Variants in BNC2 observed in about 807,000 individuals in gnomAD.
The protein encoded by BNC2 is basonuclin zinc finger protein 2.
A neutral mutation model predicts 76.3 loss-of-function variants in BNC2; 20 were observed. That is an observed-to-expected ratio of 0.26 (90% CI 0.18 to 0.38). The LOEUF (loss-of-function observed/expected upper bound fraction) is 0.38, where lower values mean the gene tolerates loss of function less well. Among genes scored for constraint, BNC2 ranks in the 10% least tolerant of loss-of-function variants. BNC2 has a pLI of 1.00. For missense variants in BNC2, 1,382 were observed against 1,399.8 expected, an observed-to-expected ratio of 0.99 and a Z score of 0.20; for synonymous variants, 582 against 514.8, an observed-to-expected ratio of 1.13 and a Z score of -1.77.
intron 1 of BNC2, among the ~76,000 whole-genome samples, chr9:16,759,370 A>C (rs1006696982): frequency 1.3e-5 from 2 of 152,208 alleles, no homozygotes; most frequent in African/African-American, 4.8e-5. Flanking sequence ...ACTTTAATGG[A>C]AAGTATGGTA....
intron 4 of BNC2, among the ~76,000 whole-genome samples, chr9:16,577,850 T>C (rs62540657): frequency 3.4e-3 from 512 of 152,246 alleles, no homozygotes; most frequent in Non-Finnish European, 5.6e-3. Context: ...ATGAAGATTC[T>C]AGTATTCATG....
At chr9:16,654,403 C>T (rs1023993207) in intron 3 of BNC2, among the ~76,000 whole-genome samples, 2 of 152,156 alleles carry the variant, frequency 1.3e-5, no homozygotes, top group African/African-American at 4.8e-5. Context: ...GAAAGAGAGG[C>T]ACTTTTAATA....
At chr9:16,462,147 G>A (rs1283584883) in intron 5 of BNC2, among the ~76,000 whole-genome samples, 1 of 152,096 alleles carries the variant, frequency 6.6e-6, no homozygotes, top group Non-Finnish European at 1.5e-5. Context: ...TCCTCCTGCT[G>A]TCTCTGAGCT....
rs1473388088 is a variant in BNC2, at chr9:16,414,881, G to A, written c.*4108C>T. 1 of 151,440 alleles carries A rather than the reference G, an allele frequency of 6.6e-6. No homozygotes were observed. Among genetic ancestry groups the A allele is most frequent in the Admixed American group, 6.6e-5 (1 of 15,210 alleles). 9.4% of individuals were successfully genotyped at this position (151,440 alleles called of 1,614,324 possible). A position where few individuals can be genotyped will look rare whatever the true frequency, so the allele number is the denominator to read the frequency against. On this transcript the variant is annotated 3_prime_UTR_variant, in exon 7 of 7. Coordinates refer to ENST00000380672, the MANE Select transcript of BNC2 (RefSeq NM_017637.6). ...CCTAGTGCATAGTTTCTCCTGAGGA[G>A]AAGCCTCTGGAATAGCCCATTCTTG...
chr9:16,728,073 G>T, intron 2 of BNC2, 76 bp from the exon 3 acceptor site: 2 of 978,288 alleles, frequency 2.0e-6, no homozygotes, highest in Non-Finnish European at 3.0e-6. Flanking sequence ...GAAGCTGGCT[G>T]AACTGTGCAT....
chr9:16,492,116 G>C (rs1165528755), intron 5 of BNC2, among the ~76,000 whole-genome samples: 3 of 151,872 alleles, frequency 2.0e-5, no homozygotes, highest in African/African-American at 7.3e-5. Context: ...GCTTTAGGGA[G>C]TCCTGACAAT....
rs755406142 is a variant in BNC2, at chr9:16,744,261, G to A, written c.4-5776C>T. Among the ~76,000 whole-genome samples the A allele has an allele frequency of 5.3e-5, 8 of 152,194 alleles. No individual in the cohort carries two copies. In the East Asian group the frequency reaches 1.4e-3, roughly 26 times the overall value. On this transcript the variant is annotated intron_variant, in intron 1 of 6. Coordinates refer to ENST00000380672, the MANE Select transcript of BNC2 (RefSeq NM_017637.6). ...TGGGATTACAGGCGTAAGCCACCAC[G>A]CCTGGCCTAGACTGCAGTTTTTAAG...
At chr9:16,741,620 C>G (rs1403358466) in intron 1 of BNC2, among the ~76,000 whole-genome samples, 1 of 152,112 alleles carries the variant, frequency 6.6e-6, no homozygotes, top group East Asian at 1.9e-4. Flanking sequence ...ATACTTAGAA[C>G]CAGCAAGGAG....
intron 5 of BNC2, 100 bp downstream of exon 5, chr9:16,552,430 G>C (rs747901113): frequency 2.1e-6 from 2 of 954,556 alleles, no homozygotes; most frequent in Non-Finnish European, 3.3e-6. Context: ...TTAACCAGAG[G>C]AGGGTGTGCA....
intron 3 of BNC2, among the ~76,000 whole-genome samples, chr9:16,670,427 A>C (rs1332302070): frequency 1.3e-5 from 2 of 152,008 alleles, no homozygotes; most frequent in South Asian, 2.1e-4. Flanking sequence ...TCATCTTCCC[A>C]CCTCTGCCTC....
intron 4 of BNC2, among the ~76,000 whole-genome samples, chr9:16,574,238 A>T (rs1231487412): frequency 6.6e-6 from 1 of 152,192 alleles, no homozygotes; most frequent in Admixed American, 6.5e-5. Flanking sequence ...GATCGTTAGC[A>T]AGATATAAAA....
chr9:16,617,637 G>A (rs1360992367), intron 3 of BNC2, among the ~76,000 whole-genome samples: 1 of 152,042 alleles, frequency 6.6e-6, no homozygotes, highest in Non-Finnish European at 1.5e-5. Context: ...GGGCCTTAAT[G>A]AAGGGTCAGG....
intron 4 of BNC2, among the ~76,000 whole-genome samples, chr9:16,568,397 C>T (rs138625411): frequency 3.3e-5 from 5 of 152,194 alleles, no homozygotes; most frequent in African/African-American, 1.2e-4. Flanking sequence ...GCCATAACCT[C>T]TGAATTTATG....
intron 4 of BNC2, among the ~76,000 whole-genome samples, chr9:16,556,053 G>A (rs28483319): frequency 0.2 from 29,834 of 151,046 alleles, 5,278 homozygotes; most frequent in African/African-American, 0.47. Context: ...TAATCCCAGC[G>A]CTGTGGGAGG....
chr9:16,657,082 C>T (rs1367630489), intron 3 of BNC2, among the ~76,000 whole-genome samples: 1 of 151,960 alleles, frequency 6.6e-6, no homozygotes, highest in Non-Finnish European at 1.5e-5. Context: ...GTGGATCAAC[C>T]GAGAGAGCTC....
At chr9:16,744,065 C>T (rs920821592) in intron 1 of BNC2, among the ~76,000 whole-genome samples, 14 of 152,192 alleles carry the variant, frequency 9.2e-5, no homozygotes, top group African/African-American at 3.1e-4. Context: ...CTCCCGGGTT[C>T]ACGCCATTCT....
intron 5 of BNC2, among the ~76,000 whole-genome samples, chr9:16,462,661 T>C (rs1264379658): frequency 6.6e-6 from 1 of 152,172 alleles, no homozygotes; most frequent in Non-Finnish European, 1.5e-5. Flanking sequence ...ATCATACCTC[T>C]TCCACAATGG....
intron 5 of BNC2, among the ~76,000 whole-genome samples, chr9:16,498,447 A>G (rs1274384260): frequency 6.6e-6 from 1 of 151,176 alleles, no homozygotes; most frequent in Admixed American, 6.6e-5. Flanking sequence ...GTACTCACTG[A>G]TATGTGGGAG....
chr9:16,754,084 G>C (rs1238385492), intron 1 of BNC2, among the ~76,000 whole-genome samples: 1 of 152,158 alleles, frequency 6.6e-6, no homozygotes, highest in Non-Finnish European at 1.5e-5. Context: ...CTCAGAAAGG[G>C]TAAATTATTA....
Sources: allele counts gnomAD v4.1 joint callset (sites outside exome capture counted in the v4.1 genomes callset), GRCh38; gene constraint gnomAD v4.1.1; transcripts MANE v1.5; gene names NCBI Gene and HGNC (gene_info 2026-07-23, HGNC 2026-07-21).